Variants in CACNG4 observed in about 807,000 individuals in gnomAD.
CACNG4 encodes the protein calcium voltage-gated channel auxiliary subunit gamma 4.
In CACNG4, 8 loss-of-function variants were observed where a neutral mutation model predicts 22.9. The ratio of observed to expected loss-of-function variants is 0.35; its 90% CI spans 0.21 to 0.63. CACNG4 has a LOEUF of 0.63. Ranked by LOEUF, CACNG4 falls within the 30% of genes least tolerant of loss-of-function variation. The pLI is 0.72. For missense variants in CACNG4, 357 were observed against 455.4 expected (o/e 0.78, Z 1.97); for synonymous variants, 188 against 191.9 (o/e 0.98, Z 0.17).
chr17:67,021,819 T>A (rs2035533780), intron 2 of CACNG4: 1 of 152,320 alleles, frequency 6.6e-6, no homozygotes, highest in Non-Finnish European at 1.5e-5. Context: ...TCCTGGCAGA[T>A]GCAGATCCTC....
chr17:67,009,200 T>C (rs111383671), intron 1 of CACNG4, among the ~76,000 whole-genome samples: 2,285 of 152,224 alleles, frequency 0.015, 32 homozygotes, highest in Middle Eastern at 0.051. Context: ...CATCAACACC[T>C]TGATCTTGGG....
intron 1 of CACNG4, among the ~76,000 whole-genome samples, chr17:66,991,360 C>T (rs2035339551): frequency 6.6e-6 from 1 of 152,140 alleles, no homozygotes; most frequent in Non-Finnish European, 1.5e-5. Flanking sequence ...TTCCGAAAGA[C>T]CTCTCCTTCC....
chr17:67,032,286 C>T lies in CACNG4; in HGVS notation c.*1282C>T. On this transcript the variant is annotated 3_prime_UTR_variant, in exon 4 of 4. Transcript: ENST00000262138. The stretch of plus-strand genomic sequence containing the variant: ...TTTTTCCAGCCATTCTTTTCTTCCC[C>T]CTCCTGAAGCAAGCAAAGAGCGTGG... The T allele has an allele frequency of 3.1e-6, 1 of 324,514 alleles. No individual in the cohort carries two copies. Among genetic ancestry groups the T allele is most frequent in the South Asian group, 2.7e-5 (1 of 37,656 alleles). 20.1% of individuals were successfully genotyped at this position (324,514 alleles called of 1,614,324 possible).
At chr17:67,006,448 C>T (rs994976270) in intron 1 of CACNG4, among the ~76,000 whole-genome samples, 4 of 152,204 alleles carry the variant, frequency 2.6e-5, no homozygotes, top group Admixed American at 1.3e-4. Flanking sequence ...TACTCAGCCT[C>T]AGTACTGTCT....
chr17:67,030,421 C>G lies in CACNG4; in HGVS notation c.446-45C>G. The G allele has an allele frequency of 1.3e-6, 2 of 1,576,532 alleles. No homozygotes were observed. Among genetic ancestry groups the G allele is most frequent in the Non-Finnish European group, 1.7e-6 (2 of 1,152,396 alleles). Reference sequence around the variant, plus strand: ...CCCACTGTGGGTCTAACCTCTGCCTCTCTCCCTCCCTGGCCCCGCTCCCCG... The same window carrying G: ...CCCACTGTGGGTCTAACCTCTGCCTGTCTCCCTCCCTGGCCCCGCTCCCCG... On this transcript the variant is annotated intron_variant, in intron 3 of 3. Transcript: ENST00000262138. This position sits in a 1 kb window ranked among gnomAD's most constrained non-coding sequence, Gnocchi z 6.4.
At chr17:66,989,141 T>A (rs1401620767) in intron 1 of CACNG4, among the ~76,000 whole-genome samples, 1 of 148,610 alleles carries the variant, frequency 6.7e-6, no homozygotes, top group East Asian at 2.0e-4. Context: ...ATTCCCGGCA[T>A]CTTTAGCTTC....
At chr17:66,967,101 T>TC (rs2035175625) in intron 1 of CACNG4, among the ~76,000 whole-genome samples, 3 of 152,182 alleles carry the variant, frequency 2.0e-5, no homozygotes, top group African/African-American at 7.2e-5. Context: ...AACTAACTCC[T>TC]CCCCGCCAGC....
intron 1 of CACNG4, among the ~76,000 whole-genome samples, chr17:66,973,567 A>C (rs2035217648): frequency 6.6e-6 from 1 of 152,234 alleles, no homozygotes; most frequent in Non-Finnish European, 1.5e-5. Context: ...GTACCTGGGC[A>C]AAGGTTGGGC....
chr17:66,996,398 T>A (rs200269788), intron 1 of CACNG4, among the ~76,000 whole-genome samples: 8,983 of 140,144 alleles, frequency 0.064, 413 homozygotes, highest in East Asian at 0.23. Flanking sequence ...TTTTTTTTTT[T>A]AGACAGGGTC....
rs1176861039 is a variant in CACNG4 at position 67,031,575 on chromosome 17, T to C, written c.*571T>C. Reference sequence around the variant, plus strand: ...AGACTCTGGCAGTGGCCTATGATCCTGAAGACAGCTCTGCAGCCAACTGGT... The same window carrying C: ...AGACTCTGGCAGTGGCCTATGATCCCGAAGACAGCTCTGCAGCCAACTGGT... On this transcript the variant is annotated 3_prime_UTR_variant, in exon 4 of 4. Coordinates refer to ENST00000262138, the MANE Select transcript of CACNG4 (RefSeq NM_014405.4). The surrounding 1 kb of genome is among the most constrained non-coding windows in gnomAD (Gnocchi z 4.0). 2 of 456,972 alleles carry C rather than the reference T, an allele frequency of 4.4e-6. No homozygotes were observed. Among genetic ancestry groups the C allele is most frequent in the Admixed American group, 4.7e-5 (2 of 42,582 alleles). The allele number at this position is 456,972 out of a possible 1,614,324, so 28.3% of individuals were successfully genotyped here.
In CACNG4 at chr17:66,983,345, G is replaced by A. The variant is rs2035287650; in HGVS notation, c.220+18214G>A. Among the ~76,000 whole-genome samples, 3 of 152,346 alleles carry A rather than the reference G, an allele frequency of 2.0e-5. No homozygotes were observed. In the South Asian group the frequency reaches 6.2e-4, roughly 32 times the overall value. ...GCCTGCTGCACGCTGGGGAAAAGGC[G>A]AGGTTGTGGGGTGGCTCAGTGTGCT... On this transcript the variant is annotated intron_variant, in intron 1 of 3. Coordinates refer to ENST00000262138, the MANE Select transcript of CACNG4 (RefSeq NM_014405.4).
rs1013417152 is a variant in CACNG4 at position 66,976,847 on chromosome 17, G to T, written c.220+11716G>T. ...CCTTGGCAAGGAGGAGCCTGCTGGT[G>T]GTAACCTCACACGTCGGCTGTGCTT... On this transcript the variant is annotated intron_variant, in intron 1 of 3. Transcript: ENST00000262138. 4.6e-5 allele frequency among the ~76,000 whole-genome samples: 7 copies of T among 152,310 alleles called. 1 individual carries two copies. In the East Asian group the frequency reaches 1.4e-3, roughly 29 times the overall value.
intron 3 of CACNG4, among the ~76,000 whole-genome samples, chr17:67,026,624 GGTGT>G (rs1246364248): frequency 6.7e-6 from 1 of 149,364 alleles, no homozygotes; most frequent in Non-Finnish European, 1.5e-5. Context: ...TGAGGACTGT[GGTGT>G]GTGTGTGTCT....
At chr17:67,029,316 C>T (rs1332473220) in intron 3 of CACNG4, among the ~76,000 whole-genome samples, 1 of 144,898 alleles carries the variant, frequency 6.9e-6, no homozygotes, top group East Asian at 2.1e-4. Flanking sequence ...GGGCAGCAGA[C>T]TGAGACTGAG....
Position 67,030,597 on chromosome 17 carries a change from A to C in CACNG4, c.577A>C (p.Ile193Leu). 6.2e-7 allele frequency: 1 copy of C among 1,614,238 alleles called. No individual in the cohort carries two copies. Among genetic ancestry groups the C allele is most frequent in the Non-Finnish European group, 8.5e-7 (1 of 1,180,040 alleles). ...WSFYFGALSF[I>L]VAETVGVLAV... Reference sequence around the variant, plus strand: ...TTTTTACTTTGGAGCTCTGTCTTTCATTGTGGCTGAGACCGTGGGCGTCCT... The same window carrying C: ...TTTTTACTTTGGAGCTCTGTCTTTCCTTGTGGCTGAGACCGTGGGCGTCCT... The change falls in exon 4 of 4, where the codon ATT (isoleucine) becomes CTT (leucine). Residue 193 changes from isoleucine to leucine, a missense_variant. This residue lies in a region of CACNG4 where 240 missense variants were observed against 277.6 expected (regional missense o/e 0.86). Coordinates refer to ENST00000262138, the MANE Select transcript of CACNG4 (RefSeq NM_014405.4). The surrounding 1 kb of genome is among the most constrained non-coding windows in gnomAD (Gnocchi z 6.4).
In CACNG4 at chr17:67,008,455, G is replaced by T. The variant is rs1268074321; in HGVS notation, c.221-9734G>T. ...TCTAAGGGAGAATTGCGGGGAGCAGGGGGCAGGGCTGGGCAAAGAGCTGAG... is the reference window on the plus strand; with the variant it reads ...TCTAAGGGAGAATTGCGGGGAGCAGTGGGCAGGGCTGGGCAAAGAGCTGAG... On this transcript the variant is annotated intron_variant, in intron 1 of 3. Coordinates refer to ENST00000262138, the MANE Select transcript of CACNG4 (RefSeq NM_014405.4). 2.6e-5 allele frequency among the ~76,000 whole-genome samples: 4 copies of T among 152,298 alleles called. No homozygotes were observed. The East Asian group carries it at 7.7e-4, about 29-fold the overall frequency.
rs2035286676 is a variant in CACNG4 at position 66,983,182 on chromosome 17, C to T, written c.220+18051C>T. Among the ~76,000 whole-genome samples the T allele has an allele frequency of 2.6e-5, 4 of 152,282 alleles. No individual in the cohort carries two copies. In the South Asian group the frequency reaches 8.3e-4, roughly 32 times the overall value. On this transcript the variant is annotated intron_variant, in intron 1 of 3. Coordinates refer to ENST00000262138, the MANE Select transcript of CACNG4 (RefSeq NM_014405.4). The stretch of plus-strand genomic sequence containing the variant: ...GGCACTTTGCAGAGTTCACTTCCTC[C>T]TCACAATGCAGCATGGATGGCACTC...
chr17:66,986,454 G>A (rs907687818), intron 1 of CACNG4, among the ~76,000 whole-genome samples: 15 of 152,184 alleles, frequency 9.9e-5, no homozygotes, highest in Admixed American at 8.5e-4. Context: ...GGAGGAGATG[G>A]TGGATTTGAA....
chr17:67,005,074 G>A (rs1159624073), intron 1 of CACNG4, among the ~76,000 whole-genome samples: 1 of 152,198 alleles, frequency 6.6e-6, no homozygotes, highest in Non-Finnish European at 1.5e-5. Context: ...AGGATGGAAG[G>A]GAGAGCTTAA....
Sources: allele counts gnomAD v4.1 joint callset (sites outside exome capture counted in the v4.1 genomes callset), GRCh38; gene constraint gnomAD v4.1.1; regional missense constraint gnomAD v4.1.1; non-coding constraint Gnocchi (gnomAD v3.1); transcripts MANE v1.5; gene names NCBI Gene and HGNC (gene_info 2026-07-23, HGNC 2026-07-21).